Variants in PIGA observed in about 807,000 individuals in gnomAD.
PIGA encodes the protein phosphatidylinositol N-acetylglucosaminyltransferase subunit A.
A neutral mutation model predicts 17.1 loss-of-function variants in PIGA; 3 were observed. The ratio of observed to expected loss-of-function variants is 0.18; its 90% CI spans 0.08 to 0.45. The LOEUF is 0.45. Among genes scored for constraint, PIGA ranks in the 20% least tolerant of loss-of-function variants. The pLI is 0.99. For synonymous variants in PIGA, 126 were observed against 135.1 expected, an observed-to-expected ratio of 0.93 and a Z score of 0.47; for missense variants, 231 against 374.1, an observed-to-expected ratio of 0.62 and a Z score of 3.16.
In PIGA at chrX:15,321,541, C is replaced by T. The variant is rs61760986; in HGVS notation, c.1420G>A (p.Gly474Arg). Residue 474 changes from glycine (G) to arginine (R), a missense_variant, in exon 6 of 6, where the codon GGG becomes AGG. Around this residue, in one of 5 missense-constraint regions of PIGA, gnomAD observed 88 missense variants for 100.5 expected, o/e 0.88. Coordinates refer to ENST00000333590, the MANE Select transcript of PIGA (RefSeq NM_002641.4). Reference protein sequence around the residue: ...WTNNYSHSKRGGENNEISETR With the variant: ...WTNNYSHSKRRGENNEISETR ...TCAGATATCTCATTATTCTCACCCCCTCTTTTACTGTGAGAATAGTTATTA... is the reference window on the plus strand; with the variant it reads ...TCAGATATCTCATTATTCTCACCCCTTCTTTTACTGTGAGAATAGTTATTA... 2.6e-4 allele frequency: 312 copies of T among 1,205,066 alleles called. 1 individual carries two copies. The African/African-American group carries it at 5.2e-3, about 20-fold the overall frequency.
intron 2 of PIGA, 182 bp downstream of exon 2, chrX:15,331,034 C>T: frequency 2.5e-6 from 1 of 395,593 alleles, no homozygotes; most frequent in East Asian, 4.0e-5. Flanking sequence ...CATTCACCAC[C>T]ATCCTGAAAA....
In PIGA at chrX:15,331,817, T is replaced by C; in HGVS notation, c.114A>G (p.Val38=). The change falls in exon 2 of 6, where the codon GTA becomes GTG. Residue 38 remains valine (V), a synonymous_variant. Coordinates refer to ENST00000333590, the MANE Select transcript of PIGA (RefSeq NM_002641.4). ...CRTRTHNICM[V]SDFFYPNMGG... ...CCATATTTGGGTAGAAAAAGTCAGA[T>C]ACCATGCATATATTATGGGTACGGG... The C allele has an allele frequency of 2.5e-6, 3 of 1,211,660 alleles. No homozygotes were observed. The highest frequency in any genetic ancestry group is 3.4e-6 in the Non-Finnish European group (3 of 895,304).
chrX:15,325,687 GC>G (rs747126176), intron 3 of PIGA: 49 of 246,429 alleles, frequency 2.0e-4, no homozygotes, highest in South Asian at 1.6e-3. Flanking sequence ...TCCAACAATG[GC>G]CCCCCAAAGT....
intron 1 of PIGA, 152 bp downstream of exon 1, chrX:15,335,349 A>T: frequency 2.2e-6 from 1 of 464,090 alleles, no homozygotes; most frequent in Non-Finnish European, 3.2e-6. Context: ...CTCAGCCCCA[A>T]CCTACTCTGG....
intron 2 of PIGA, among the ~76,000 whole-genome samples, chrX:15,329,161 T>C (rs1322245512): frequency 8.9e-6 from 1 of 112,511 alleles, no homozygotes; most frequent in Non-Finnish European, 1.9e-5. Flanking sequence ...CACCACTGAA[T>C]TCAGTGCTTG....
intron 4 of PIGA, 25 bp downstream of exon 4, chrX:15,324,995 C>T: frequency 3.4e-6 from 4 of 1,184,219 alleles, no homozygotes; most frequent in Non-Finnish European, 4.5e-6. Context: ...AAATCCCAAC[C>T]ATGAATGCCC....
At chrX:15,333,236 C>G (rs1379908798) in intron 1 of PIGA, among the ~76,000 whole-genome samples, 1 of 112,404 alleles carries the variant, frequency 8.9e-6, no homozygotes, top group East Asian at 2.8e-4. Context: ...AGCTTAGCCA[C>G]TGATTCAATT....
At chrX:15,322,497 G>A (rs1921847237) in intron 5 of PIGA, among the ~76,000 whole-genome samples, 2 of 112,341 alleles carry the variant, frequency 1.8e-5, no homozygotes. Flanking sequence ...TAAGTACTAA[G>A]CTCTAAAATA....
chrX:15,331,382 A>G lies in PIGA; in HGVS notation c.549T>C (p.Cys183=). The change falls in exon 2 of 6, where the codon TGT becomes TGC. Residue 183 remains cysteine, a synonymous_variant. Coordinates refer to ENST00000333590, the MANE Select transcript of PIGA (RefSeq NM_002641.4). ...VSLCDTNHII[C]VSYTSKENTV... ...TATTTTCCTTACTAGTATAAGACAC[A>G]CAAATGATGTGGTTTGTATCACAAA... 1 of 1,211,033 alleles carries G rather than the reference A, an allele frequency of 8.3e-7. No individual in the cohort carries two copies. The highest frequency in any genetic ancestry group is 1.1e-6 in the Non-Finnish European group (1 of 894,663).
chrX:15,327,459 A>AT (rs1265371234), intron 2 of PIGA, among the ~76,000 whole-genome samples: 1 of 111,578 alleles, frequency 9.0e-6, no homozygotes, highest in African/African-American at 3.3e-5. Flanking sequence ...TTATAGGGTC[A>AT]TTTTTATTAA....
chrX:15,328,917 C>T (rs930016860), intron 2 of PIGA: 3 of 112,498 alleles, frequency 2.7e-5, no homozygotes, highest in Non-Finnish European at 5.6e-5. Context: ...CAAAAAAACA[C>T]ATCACTAATG....
intron 2 of PIGA, chrX:15,328,750 C>A (rs763486051): frequency 1.8e-5 from 2 of 111,903 alleles, no homozygotes; most frequent in South Asian, 7.4e-4. Context: ...AGTTAAAATA[C>A]CACATTAGGG....
chrX:15,335,505 G>C lies in PIGA; in HGVS notation c.-67C>G. 1 of 979,019 alleles carries C rather than the reference G, an allele frequency of 1.0e-6. No homozygotes were observed. Among genetic ancestry groups the C allele is most frequent in the Non-Finnish European group, 1.3e-6 (1 of 777,696 alleles). 80.7% of individuals were successfully genotyped at this position (979,019 alleles called of 1,213,427 possible). A position where few individuals can be genotyped will look rare whatever the true frequency, so the allele number is the denominator to read the frequency against. On this transcript the variant is annotated 5_prime_UTR_variant, in exon 1 of 6. Coordinates refer to ENST00000333590, the MANE Select transcript of PIGA (RefSeq NM_002641.4). ...GGCGGCGCGACGCGCACTCACCGGT[G>C]AGTTCCATGGCCGCCAGTGTCCGGA...
chrX:15,330,732 A>T (rs896812416), intron 2 of PIGA, among the ~76,000 whole-genome samples: 1 of 110,883 alleles, frequency 9.0e-6, no homozygotes, highest in African/African-American at 3.3e-5. Context: ...CCTCCGGAGT[A>T]GCTGGGACTA....
intron 2 of PIGA, among the ~76,000 whole-genome samples, chrX:15,329,960 C>A (rs1458217084): frequency 9.0e-6 from 1 of 110,898 alleles, no homozygotes; most frequent in Non-Finnish European, 1.9e-5. Flanking sequence ...TGGTGGGCGC[C>A]TGTAATCCCA....
At chrX:15,334,643 C>A (rs1320426087) in intron 1 of PIGA, among the ~76,000 whole-genome samples, 1 of 111,951 alleles carries the variant, frequency 8.9e-6, no homozygotes, top group Non-Finnish European at 1.9e-5. Context: ...GTCACCTAAA[C>A]CCGAACTTCC....
At chrX:15,331,037 C>T (rs1341422677) in intron 2 of PIGA, 179 bp downstream of exon 2, 7 of 395,731 alleles carry the variant, frequency 1.8e-5, no homozygotes, top group Non-Finnish European at 3.0e-5. Context: ...TCACCACCAT[C>T]CTGAAAAATC....
intron 2 of PIGA, 152 bp from the exon 3 acceptor site, chrX:15,326,198 G>T (rs776208133): frequency 9.4e-5 from 33 of 351,606 alleles, no homozygotes; most frequent in Admixed American, 8.1e-4. Flanking sequence ...GAGTGGAATT[G>T]TTTGCAAACT....
rs1478543261 is a variant in PIGA at position 15,324,727 on chromosome X, T to C, written c.1126A>G (p.Asn376Asp). The change falls in exon 5 of 6, where the codon AAC becomes GAC. Residue 376 changes from asparagine to aspartate, a missense_variant. Physicochemically the swap from Asn to Asp is conservative, Grantham distance 23 (BLOSUM62 1). Coordinates refer to ENST00000333590, the MANE Select transcript of PIGA (RefSeq NM_002641.4). ...AAAGTCTTTACTATGTTATGGATGTTTTCTGGAGCTGGCAATGTCCCTGAC... is the reference window on the plus strand; with the variant it reads ...AAAGTCTTTACTATGTTATGGATGTCTTCTGGAGCTGGCAATGTCCCTGAC... Reference protein sequence around the residue: ...LKSGTLPAPENIHNIVKTFYT... With the variant: ...LKSGTLPAPEDIHNIVKTFYT... The C allele has an allele frequency of 1.7e-6, 2 of 1,209,103 alleles. No individual in the cohort carries two copies. Among genetic ancestry groups the C allele is most frequent in the Non-Finnish European group, 2.2e-6 (2 of 893,014 alleles).
Sources: allele counts gnomAD v4.1 joint callset (sites outside exome capture counted in the v4.1 genomes callset), GRCh38; gene constraint gnomAD v4.1.1; regional missense constraint gnomAD v4.1.1; transcripts MANE v1.5; gene names NCBI Gene and HGNC (gene_info 2026-07-23, HGNC 2026-07-21).